Variants in YPEL1 observed in about 807,000 individuals in gnomAD.
YPEL1 encodes the protein yippee like 1.
YPEL1 carries 7 observed loss-of-function variants against 17.3 expected under a neutral mutation model. The observed-to-expected ratio is 0.40, with a 90% confidence interval of 0.23 to 0.76. The LOEUF is 0.76. Ranked by LOEUF, YPEL1 falls within the 30% of genes least tolerant of loss-of-function variation. YPEL1 has a pLI of 0.35. For synonymous variants in YPEL1, 59 were observed against 59.6 expected, an observed-to-expected ratio of 0.99 and a Z score of 0.05; for missense variants, 91 against 155.5, an observed-to-expected ratio of 0.59 and a Z score of 2.21.
In YPEL1 at chr22:21,698,841, TG is replaced by T. The variant is rs2068033197; in HGVS notation, c.*2287del. On this transcript the variant is annotated 3_prime_UTR_variant, in exon 5 of 5. Transcript: ENST00000339468. The stretch of plus-strand genomic sequence containing the variant: ...CACGCGAGCTCAGGAGGACAGGATG[TG>T]CTGGGCCAGCCTAAACCCTCGGGGG... 1 of 152,526 alleles carries T rather than the reference TG, an allele frequency of 6.6e-6. No individual in the cohort carries two copies. The highest frequency in any genetic ancestry group is 1.5e-5 in the Non-Finnish European group (1 of 68,148). The allele number at this position is 152,526 out of a possible 1,614,324, so 9.4% of individuals were successfully genotyped here. A position where few individuals can be genotyped will look rare whatever the true frequency, so the allele number is the denominator to read the frequency against.
chr22:21,735,406 CGTT>C (rs1569068685), intron 1 of YPEL1, among the ~76,000 whole-genome samples: 1 of 152,102 alleles, frequency 6.6e-6, no homozygotes, highest in African/African-American at 2.4e-5. Context: ...AAAGATTAGG[CGTT>C]GTTGTCTGTG....
In YPEL1 at chr22:21,703,976, T is replaced by C. The variant is rs746258973; in HGVS notation, c.118-94A>G. ...CAGGGGAGTCCAGCCCCGCGGCTGT[T>C]AGCTGCGCCGGGACGCGTCACCGGG... On this transcript the variant is annotated intron_variant, in intron 2 of 4. Transcript: ENST00000339468. The surrounding 1 kb of genome is among the most constrained non-coding windows in gnomAD (Gnocchi z 6.1). 5.1e-4 allele frequency: 726 copies of C among 1,422,872 alleles called. No individual in the cohort carries two copies. The highest frequency in any genetic ancestry group is 6.0e-4 in the Non-Finnish European group (621 of 1,029,614). 88.1% of individuals were successfully genotyped at this position (1,422,872 alleles called of 1,614,324 possible).
rs1342793723 is a variant in YPEL1 at position 21,699,997 on chromosome 22, CA to C, written c.*1131del. 1 of 152,376 alleles carries C rather than the reference CA, an allele frequency of 6.6e-6. No homozygotes were observed. The highest frequency in any genetic ancestry group is 2.4e-5 in the African/African-American group (1 of 41,460). The allele number at this position is 152,376 out of a possible 1,614,324, so 9.4% of individuals were successfully genotyped here. A position where few individuals can be genotyped will look rare whatever the true frequency, so the allele number is the denominator to read the frequency against. The stretch of plus-strand genomic sequence containing the variant: ...TAAGGAATCTACTGGCTTAAATAAA[CA>C]TGTTCCACTAGACACCATTCTCAAT... On this transcript the variant is annotated 3_prime_UTR_variant, in exon 5 of 5. Coordinates refer to ENST00000339468, the MANE Select transcript of YPEL1 (RefSeq NM_013313.5).
At chr22:21,720,141 G>A (rs1052459159) in intron 1 of YPEL1, among the ~76,000 whole-genome samples, 2 of 137,076 alleles carry the variant, frequency 1.5e-5, no homozygotes, top group African/African-American at 5.4e-5. Context: ...TAGCACCAAT[G>A]CACTCTAGCC....
intron 1 of YPEL1, among the ~76,000 whole-genome samples, chr22:21,729,074 C>T (rs985444777): frequency 5.4e-5 from 8 of 148,346 alleles, no homozygotes; most frequent in African/African-American, 2.0e-4. Context: ...ACCCAGGAGG[C>T]AGAGATTGCA....
At chr22:21,701,251 G>T (rs930275161) in intron 4 of YPEL1, 33 bp from the exon 5 acceptor site, 2 of 1,568,234 alleles carry the variant, frequency 1.3e-6, no homozygotes, top group Non-Finnish European at 1.8e-6. Flanking sequence ...TTTCAGGACA[G>T]AAGGTTTCAC....
intron 2 of YPEL1, among the ~76,000 whole-genome samples, chr22:21,706,352 C>CT (rs1211848901): frequency 7.0e-6 from 1 of 143,786 alleles, no homozygotes; most frequent in Non-Finnish European, 1.5e-5. Context: ...TTGCTTGAAC[C>CT]GGGACCCGGG....
At chr22:21,702,092 C>T (rs2068071970) in intron 4 of YPEL1, among the ~76,000 whole-genome samples, 1 of 152,202 alleles carries the variant, frequency 6.6e-6, no homozygotes, top group African/African-American at 2.4e-5. Flanking sequence ...ATCTCTCCCA[C>T]AGACACATCC....
chr22:21,720,758 C>T (rs369837638), intron 1 of YPEL1, among the ~76,000 whole-genome samples: 6 of 150,968 alleles, frequency 4.0e-5, no homozygotes, highest in East Asian at 3.9e-4. Flanking sequence ...CCACCCACCA[C>T]GGCTTCCCAA....
rs878893545 is a variant in YPEL1 at position 21,703,969 on chromosome 22, C to T, written c.118-87G>A. ...CCAGAACCAGGGGAGTCCAGCCCCG[C>T]GGCTGTTAGCTGCGCCGGGACGCGT... On this transcript the variant is annotated intron_variant, in intron 2 of 4. Transcript: ENST00000339468. This position sits in a 1 kb window ranked among gnomAD's most constrained non-coding sequence, Gnocchi z 6.1. 7.5e-6 allele frequency: 11 copies of T among 1,465,706 alleles called. No homozygotes were observed. The highest frequency in any genetic ancestry group is 1.7e-4 in the Middle Eastern group (1 of 5,844). 90.8% of individuals were successfully genotyped at this position (1,465,706 alleles called of 1,614,324 possible).
chr22:21,716,866 C>T (rs2068228677), intron 1 of YPEL1, among the ~76,000 whole-genome samples: 1 of 152,186 alleles, frequency 6.6e-6, no homozygotes, highest in East Asian at 1.9e-4. Flanking sequence ...TGAGGCTCCT[C>T]CACTTACCTG....
intron 1 of YPEL1, among the ~76,000 whole-genome samples, chr22:21,730,259 T>C (rs1038521819): frequency 2.6e-5 from 4 of 152,018 alleles, no homozygotes; most frequent in Non-Finnish European, 5.9e-5. Context: ...AGTCTCGCTC[T>C]GTCTCCCAGG....
chr22:21,735,070 T>G (rs1377964655), intron 1 of YPEL1, among the ~76,000 whole-genome samples: 1 of 152,102 alleles, frequency 6.6e-6, no homozygotes, highest in Non-Finnish European at 1.5e-5. Flanking sequence ...GAGCCAAGCA[T>G]GGGGGAGGCG....
intron 1 of YPEL1, among the ~76,000 whole-genome samples, chr22:21,716,766 C>T (rs2148606652): frequency 6.6e-6 from 1 of 152,350 alleles, no homozygotes; most frequent in East Asian, 1.9e-4. Flanking sequence ...CACACATTCA[C>T]AGAAACAATG....
In YPEL1 at chr22:21,725,692, G is replaced by T. The variant is rs570233000; in HGVS notation, c.-165+9923C>A. On this transcript the variant is annotated intron_variant, in intron 1 of 4. Transcript: ENST00000339468. ...ACGGAGACAGCAAAAGTAAATGGGG[G>T]TTGAAACATCACTACTGCGGCCGGG... Among the ~76,000 whole-genome samples the T allele has an allele frequency of 1.2e-4, 18 of 152,158 alleles. No homozygotes were observed. The East Asian group carries it at 3.1e-3, about 26-fold the overall frequency.
At chr22:21,707,156 G>A (rs965857938) in intron 2 of YPEL1, among the ~76,000 whole-genome samples, 1 of 152,114 alleles carries the variant, frequency 6.6e-6, no homozygotes, top group Non-Finnish European at 1.5e-5. Context: ...AGTGCCTCAT[G>A]CCTATAATCC....
chr22:21,704,120 A>C (rs953913116), intron 2 of YPEL1: 14 of 718,478 alleles, frequency 1.9e-5, no homozygotes, highest in Non-Finnish European at 2.6e-5. Flanking sequence ...AACATTCTGC[A>C]AGTGACTATT....
intron 1 of YPEL1, among the ~76,000 whole-genome samples, chr22:21,712,380 A>AG (rs1569060853): frequency 6.6e-6 from 1 of 151,206 alleles, no homozygotes; most frequent in African/African-American, 2.4e-5. Flanking sequence ...AAAAAAAAAA[A>AG]AAAAACAACT....
Position 21,698,666 on chromosome 22 carries a change from T to C in YPEL1, c.*2463A>G, listed in dbSNP as rs2068028690. ...CCTTCTTCCACCCGGGAAGGTGTCT[T>C]TCAGCCTCTTCACAGTCTCAAGACA... On this transcript the variant is annotated 3_prime_UTR_variant, in exon 5 of 5. Coordinates refer to ENST00000339468, the MANE Select transcript of YPEL1 (RefSeq NM_013313.5). 1 of 152,386 alleles carries C rather than the reference T, an allele frequency of 6.6e-6. No homozygotes were observed. Among genetic ancestry groups the C allele is most frequent in the Admixed American group, 6.5e-5 (1 of 15,276 alleles). The allele number at this position is 152,386 out of a possible 1,614,324, so 9.4% of individuals were successfully genotyped here.
Sources: gnomAD v4.1 joint callset for allele counts (sites outside exome capture counted in the v4.1 genomes callset) on GRCh38, gnomAD v4.1.1 for gene constraint, Gnocchi (gnomAD v3.1) non-coding constraint, MANE v1.5 for transcripts, NCBI Gene and HGNC (gene_info 2026-07-23, HGNC 2026-07-21) for gene names.